DSCAM: variants seen among roughly 807,000 people sequenced by gnomAD.
DSCAM encodes the protein cell adhesion molecule DSCAM.
A neutral mutation model predicts 217.7 loss-of-function variants in DSCAM; 47 were observed. The ratio of observed to expected loss-of-function variants is 0.22; its 90% CI spans 0.17 to 0.28. The LOEUF is 0.28. Among genes scored for constraint, DSCAM ranks in the 10% least tolerant of loss-of-function variants. DSCAM has a pLI of 1.00. For missense variants in DSCAM, 2,080 were observed against 2,618.3 expected, an observed-to-expected ratio of 0.79 and a Z score of 4.49; for synonymous variants, 1,056 against 1,015.3, an observed-to-expected ratio of 1.04 and a Z score of -0.76.
At position 40,211,838 on chromosome 21, in the gene DSCAM, A is replaced by T. The variant is rs193273469; in HGVS notation, c.2357-22600T>A. ...ATTCTCCTCCATCATTGCCCTCTGG[A>T]TTGTAAACTGCTTGAGGTTAAAGAT... On this transcript the variant is annotated intron_variant, in intron 11 of 32. Transcript: ENST00000400454. Among the ~76,000 whole-genome samples, 251 of 152,288 alleles carry T rather than the reference A, an allele frequency of 1.6e-3. 2 individuals carry two copies. The highest frequency in any genetic ancestry group is 3.0e-3 in the Non-Finnish European group (202 of 68,016).
intron 4 of DSCAM, 47 bp from the exon 5 acceptor site, chr21:40,353,790 G>T: frequency 6.9e-7 from 1 of 1,445,490 alleles, no homozygotes. Context: ...AGGAGTTGAA[G>T]TGGTCATTTA....
chr21:40,106,294 C>T (rs2089819741), intron 20 of DSCAM, among the ~76,000 whole-genome samples: 1 of 152,162 alleles, frequency 6.6e-6, no homozygotes, highest in African/African-American at 2.4e-5. Flanking sequence ...ATGTGAGGTA[C>T]AATTCAAGAA....
intron 12 of DSCAM, 51 bp downstream of exon 12, chr21:40,188,989 CTT>C: frequency 6.4e-7 from 1 of 1,565,858 alleles, no homozygotes; most frequent in Non-Finnish European, 8.8e-7. Flanking sequence ...AAAGGAAAGA[CTT>C]ATTCTTCCAA....
At chr21:40,427,259 C>T (rs1017124043) in intron 3 of DSCAM, among the ~76,000 whole-genome samples, 1 of 152,122 alleles carries the variant, frequency 6.6e-6, no homozygotes, top group African/African-American at 2.4e-5. Flanking sequence ...GGGCATGAAC[C>T]CGTGTGTCCC....
At chr21:40,797,623 A>C (rs930493499) in intron 1 of DSCAM, among the ~76,000 whole-genome samples, 18 of 152,196 alleles carry the variant, frequency 1.2e-4, no homozygotes, top group Non-Finnish European at 2.4e-4. Flanking sequence ...CAGCCAGGGG[A>C]AAGAGTGTAC....
intron 3 of DSCAM, among the ~76,000 whole-genome samples, chr21:40,538,296 A>AT (rs200405972): frequency 7.5e-6 from 1 of 133,826 alleles, no homozygotes; most frequent in African/African-American, 3.4e-5. Context: ...TCCAAAGCTA[A>AT]CCCCGTGCAC....
intron 11 of DSCAM, among the ~76,000 whole-genome samples, chr21:40,242,165 T>TTA (rs1555893649): frequency 4.0e-5 from 6 of 151,050 alleles, no homozygotes; most frequent in African/African-American, 1.5e-4. Context: ...TTTTTTTTTT[T>TTA]AAAAGAAAGA....
intron 3 of DSCAM, among the ~76,000 whole-genome samples, chr21:40,519,098 G>A (rs1209170143): frequency 6.6e-6 from 1 of 152,134 alleles, no homozygotes; most frequent in Non-Finnish European, 1.5e-5. Flanking sequence ...TGACTGAAAT[G>A]TCACTATGTG....
chr21:40,451,443 C>T (rs2075718628), intron 3 of DSCAM, among the ~76,000 whole-genome samples: 4 of 152,128 alleles, frequency 2.6e-5, no homozygotes, highest in Admixed American at 2.6e-4. Context: ...ACATCAAACA[C>T]ATGAGATAAT....
In DSCAM at chr21:40,206,921, A is replaced by G. The variant is rs1410591918; in HGVS notation, c.2357-17683T>C. Among the ~76,000 whole-genome samples, 4 of 152,206 alleles carry G rather than the reference A, an allele frequency of 2.6e-5. No homozygotes were observed. In the South Asian group the frequency reaches 6.2e-4, roughly 24 times the overall value. ...ACAAGACTTTGTCTCAAAACAAAAC[A>G]AAAACAATTTAAAGAAAATTTAGGT... On this transcript the variant is annotated intron_variant, in intron 11 of 32. Coordinates refer to ENST00000400454, the MANE Select transcript of DSCAM (RefSeq NM_001389.5).
At chr21:40,714,164 G>T (rs374799480) in intron 1 of DSCAM, among the ~76,000 whole-genome samples, 1 of 152,142 alleles carries the variant, frequency 6.6e-6, no homozygotes, top group East Asian at 1.9e-4. Context: ...AGGTGGAGCC[G>T]GCACAAAGAG....
intron 11 of DSCAM, among the ~76,000 whole-genome samples, chr21:40,270,143 G>A (rs570044868): frequency 2.6e-5 from 4 of 152,334 alleles, no homozygotes; most frequent in South Asian, 2.1e-4. Context: ...TACCAAGGGC[G>A]TGGCAGCTGC....
chr21:40,367,012 C>T (rs941313467), intron 4 of DSCAM, among the ~76,000 whole-genome samples: 7 of 152,164 alleles, frequency 4.6e-5, no homozygotes, highest in African/African-American at 1.7e-4. Flanking sequence ...CTAAATTGAG[C>T]CGTTCCCCTG....
rs1047297942 is a variant in DSCAM, at chr21:40,199,457, A to G, written c.2357-10219T>C. On this transcript the variant is annotated intron_variant, in intron 11 of 32. Coordinates refer to ENST00000400454, the MANE Select transcript of DSCAM (RefSeq NM_001389.5). ...TATTGTAAATACTGCAGCAATAAAC[A>G]TAAGTGTGCATGTGTCTTTATTGTA... Among the ~76,000 whole-genome samples the G allele has an allele frequency of 1.4e-4, 22 of 152,364 alleles. No homozygotes were observed. The East Asian group carries it at 4.2e-3, about 29-fold the overall frequency.
At chr21:40,090,680 C>T (rs1568935292) in intron 21 of DSCAM, among the ~76,000 whole-genome samples, 1 of 152,180 alleles carries the variant, frequency 6.6e-6, no homozygotes, top group Non-Finnish European at 1.5e-5. Flanking sequence ...GTCCGTCCTG[C>T]ACCTTCATCT....
At chr21:40,557,571 G>T (rs540661596) in intron 3 of DSCAM, among the ~76,000 whole-genome samples, 6 of 151,992 alleles carry the variant, frequency 3.9e-5, no homozygotes. Context: ...TCCTGACCTC[G>T]TGATCTGCCC....
intron 1 of DSCAM, among the ~76,000 whole-genome samples, chr21:40,716,144 C>T (rs1470611973): frequency 6.6e-6 from 1 of 152,188 alleles, no homozygotes; most frequent in Non-Finnish European, 1.5e-5. Context: ...ATTAGTCTTT[C>T]TCCTTCATGC....
chr21:40,159,605 C>G (rs571729568), intron 16 of DSCAM, among the ~76,000 whole-genome samples: 3 of 152,116 alleles, frequency 2.0e-5, no homozygotes, highest in Admixed American at 1.3e-4. Context: ...ATTTTTGAGA[C>G]GAGTCTTGCT....
intron 9 of DSCAM, among the ~76,000 whole-genome samples, chr21:40,305,140 G>C (rs992618133): frequency 1.3e-5 from 2 of 152,020 alleles, no homozygotes; most frequent in Non-Finnish European, 2.9e-5. Context: ...CTGTAATCTC[G>C]GCACTTTGGG....
Sources: gnomAD v4.1 joint callset for allele counts (sites outside exome capture counted in the v4.1 genomes callset) on GRCh38, gnomAD v4.1.1 for gene constraint, MANE v1.5 for transcripts, NCBI Gene and HGNC (gene_info 2026-07-23, HGNC 2026-07-21) for gene names.